The following ZMYM6 variants were observed in gnomAD, a reference collection of about 807,000 sequenced individuals.
ZMYM6 encodes zinc finger MYM-type containing 6.
In ZMYM6, 90 loss-of-function variants were observed where a neutral mutation model predicts 134.0. The observed-to-expected ratio is 0.67, with a 90% CI of 0.57 to 0.80. The LOEUF (loss-of-function observed/expected upper bound fraction) is 0.80, where lower values mean the gene tolerates loss of function less well. Ranked by LOEUF, ZMYM6 falls within the 30% of genes least tolerant of loss-of-function variation. ZMYM6 has a pLI of 0.00. For synonymous variants in ZMYM6, 481 were observed against 524.1 expected (o/e 0.92, Z 1.12); for missense variants, 1,362 against 1,533.9 (o/e 0.89, Z 1.87).
rs762691243 is a variant in ZMYM6, at chr1:35,012,021, T to C, written c.947-16A>G. 3 of 1,499,444 alleles carry C rather than the reference T, an allele frequency of 2.0e-6. No homozygotes were observed. Among genetic ancestry groups the C allele is most frequent in the South Asian group, 1.2e-5 (1 of 82,674 alleles). 92.9% of individuals were successfully genotyped at this position (1,499,444 alleles called of 1,614,324 possible). On this transcript the variant is annotated splice_polypyrimidine_tract_variant and intron_variant, in intron 7 of 15. Transcript: ENST00000357182. ...ACCTGGACACCTTGGTGACAAAAAA[T>C]TAAAAACAATGATTAAGTTATACCA...
chr1:35,004,831 G>T (rs1283438616), intron 13 of ZMYM6, among the ~76,000 whole-genome samples: 1 of 152,060 alleles, frequency 6.6e-6, no homozygotes, highest in African/African-American at 2.4e-5. Flanking sequence ...GCCGAGGCAG[G>T]TGGCTCACCT....
At chr1:35,009,301 G>A (rs537349438) in intron 10 of ZMYM6, among the ~76,000 whole-genome samples, 8 of 152,108 alleles carry the variant, frequency 5.3e-5, no homozygotes, top group East Asian at 1.9e-4. Flanking sequence ...ATGGCATTTC[G>A]CCATGTTGGC....
intron 2 of ZMYM6, among the ~76,000 whole-genome samples, chr1:35,027,086 G>A (rs1256702850): frequency 6.6e-6 from 1 of 152,222 alleles, no homozygotes; most frequent in African/African-American, 2.4e-5. Context: ...AATTTTGCCA[G>A]CCTACCTAGC....
At chr1:35,024,820 C>T (rs1386182836) in intron 2 of ZMYM6, among the ~76,000 whole-genome samples, 1 of 152,168 alleles carries the variant, frequency 6.6e-6, no homozygotes, top group African/African-American at 2.4e-5. Flanking sequence ...TTCCCCTATG[C>T]TCCCAATGCA....
rs190421523 is a variant in ZMYM6, at chr1:34,989,214, G to A, written c.2147-279C>T. On this transcript the variant is annotated intron_variant, in intron 15 of 15. Coordinates refer to ENST00000357182, the MANE Select transcript of ZMYM6 (RefSeq NM_007167.4). The stretch of plus-strand genomic sequence containing the variant: ...CACCCAATAGGTTATTGAAATTAGG[G>A]CTGAAGACCATGATACACATCAAAT... 65 of 1,158,068 alleles carry A rather than the reference G, an allele frequency of 5.6e-5. No homozygotes were observed. In the African/African-American group the frequency reaches 7.6e-4, roughly 14 times the overall value. 71.7% of individuals were successfully genotyped at this position (1,158,068 alleles called of 1,614,324 possible).
chr1:35,010,748 C>G lies in ZMYM6; in HGVS notation c.1341+10G>C, dbSNP rs41266439. On this transcript the variant is annotated intron_variant, in intron 9 of 15. Coordinates refer to ENST00000357182, the MANE Select transcript of ZMYM6 (RefSeq NM_007167.4). The stretch of plus-strand genomic sequence containing the variant: ...GTTTATATACAATCCCTTTCATGAT[C>G]TCTCTTTACCTTGTAAAAAAGAAGT... 1 of 1,538,854 alleles carries G rather than the reference C, an allele frequency of 6.5e-7. No individual in the cohort carries two copies. The highest frequency in any genetic ancestry group is 1.4e-5 in the African/African-American group (1 of 72,018).
chr1:35,028,790 T>C (rs1019211849), intron 2 of ZMYM6, among the ~76,000 whole-genome samples: 2 of 151,846 alleles, frequency 1.3e-5, no homozygotes, highest in African/African-American at 4.8e-5. Context: ...TGAGCCACTG[T>C]GCCCAGCCTC....
chr1:34,995,085 GTA>G (rs144129384), intron 14 of ZMYM6, among the ~76,000 whole-genome samples: 1 of 125,574 alleles, frequency 8.0e-6, no homozygotes, highest in Non-Finnish European at 1.5e-5. Context: ...ACTTACATAC[GTA>G]TATATGTATG....
At chr1:35,000,733 A>C (rs1640866235) in intron 14 of ZMYM6, among the ~76,000 whole-genome samples, 1 of 152,190 alleles carries the variant, frequency 6.6e-6, no homozygotes, top group Non-Finnish European at 1.5e-5. Context: ...TAAATATTAA[A>C]GATTGTCTAA....
chr1:35,002,658 T>C (rs1329948842), intron 14 of ZMYM6, among the ~76,000 whole-genome samples: 3 of 152,214 alleles, frequency 2.0e-5, no homozygotes, highest in Admixed American at 2.0e-4. Flanking sequence ...CTACTGCTAA[T>C]ATTCTGCTGG....
At chr1:35,007,667 G>A (rs112330070) in intron 11 of ZMYM6, among the ~76,000 whole-genome samples, 3,205 of 151,996 alleles carry the variant, frequency 0.021, 138 homozygotes, top group African/African-American at 0.073. Flanking sequence ...TCATAACTGG[G>A]CATGGTGGTG....
chr1:35,028,497 GATTTT>G (rs962293152), intron 2 of ZMYM6, among the ~76,000 whole-genome samples: 6 of 151,642 alleles, frequency 4.0e-5, no homozygotes, highest in Non-Finnish European at 8.8e-5. Flanking sequence ...CTCTCCCATT[GATTTT>G]ATTTTATTTT....
At chr1:35,004,221 G>A (rs1640925989) in intron 13 of ZMYM6, among the ~76,000 whole-genome samples, 1 of 152,100 alleles carries the variant, frequency 6.6e-6, no homozygotes, top group African/African-American at 2.4e-5. Context: ...TAGAATCTCT[G>A]GCAGTAAAGG....
At chr1:35,014,616 A>ACT in intron 6 of ZMYM6, 81 bp downstream of exon 6, 1 of 1,333,814 alleles carries the variant, frequency 7.5e-7, no homozygotes, top group South Asian at 1.4e-5. Flanking sequence ...GGAGGAGCTC[A>ACT]CTCTCATTTT....
intron 2 of ZMYM6, among the ~76,000 whole-genome samples, chr1:35,028,791 G>C (rs1424027417): frequency 6.6e-6 from 1 of 151,984 alleles, no homozygotes; most frequent in Non-Finnish European, 1.5e-5. Context: ...GAGCCACTGT[G>C]CCCAGCCTCC....
At chr1:35,026,558 C>A (rs1641418352) in intron 2 of ZMYM6, among the ~76,000 whole-genome samples, 1 of 152,040 alleles carries the variant, frequency 6.6e-6, no homozygotes, top group Non-Finnish European at 1.5e-5. Flanking sequence ...CAGTTCCTAC[C>A]CTCTTAAATA....
chr1:34,997,808 C>T (rs147558139), intron 14 of ZMYM6, among the ~76,000 whole-genome samples: 2,175 of 152,256 alleles, frequency 0.014, 27 homozygotes, highest in Middle Eastern at 0.044. Flanking sequence ...TGAGTACATA[C>T]TTACAATTTC....
chr1:35,020,568 C>CAT, intron 2 of ZMYM6, 101 bp from the exon 3 acceptor site: 1 of 241,184 alleles, frequency 4.1e-6, no homozygotes, highest in Non-Finnish European at 6.5e-6. Flanking sequence ...TATTCATCTC[C>CAT]TTTTTTTTTT....
chr1:35,029,870 G>C (rs1641485589), intron 2 of ZMYM6, among the ~76,000 whole-genome samples: 1 of 152,116 alleles, frequency 6.6e-6, no homozygotes, highest in Non-Finnish European at 1.5e-5. Flanking sequence ...GTCATAGTTT[G>C]TAATTATATA....
Sources: allele counts gnomAD v4.1 joint callset (sites outside exome capture counted in the v4.1 genomes callset), GRCh38; gene constraint gnomAD v4.1.1; transcripts MANE v1.5; gene names NCBI Gene and HGNC (gene_info 2026-07-23, HGNC 2026-07-21).